SLC14A2: variants seen among roughly 807,000 people sequenced by gnomAD.
SLC14A2 encodes solute carrier family 14 member 2.
SLC14A2 carries 91 observed loss-of-function variants against 104.6 expected under a neutral mutation model. The observed-to-expected ratio is 0.87, with a 90% CI of 0.73 to 1.04. The LOEUF is 1.04. Ranked by LOEUF, SLC14A2 falls within the 50% of genes least tolerant of loss-of-function variation. The pLI is 0.00. For synonymous variants in SLC14A2, 476 were observed against 466.4 expected (o/e 1.02, Z -0.27); for missense variants, 1,189 against 1,156.0 (o/e 1.03, Z -0.41).
intron 1 of SLC14A2, among the ~76,000 whole-genome samples, chr18:45,620,021 G>A (rs912287457): frequency 2.6e-5 from 4 of 152,194 alleles, no homozygotes; most frequent in Admixed American, 6.5e-5. Flanking sequence ...TGCTCCTTCC[G>A]GATGCGGAGA....
chr18:45,508,514 C>T (rs2042618909), intron 2 of SLC14A2, among the ~76,000 whole-genome samples: 1 of 152,216 alleles, frequency 6.6e-6, no homozygotes, highest in African/African-American at 2.4e-5. Context: ...CTTCCTTAGC[C>T]ATGTGGAACT....
At chr18:45,249,955 GA>G (rs974456588) in intron 1 of SLC14A2, among the ~76,000 whole-genome samples, 43 of 146,966 alleles carry the variant, frequency 2.9e-4, no homozygotes, top group African/African-American at 9.0e-4. Flanking sequence ...TCTCTAAAAA[GA>G]AAAAAAAAAT....
rs796336315 is a variant in SLC14A2 at position 45,587,942 on chromosome 18, GAACA to G, written c.-34-36682_-34-36679del. Among the ~76,000 whole-genome samples, 461 of 152,240 alleles carry G rather than the reference GAACA, an allele frequency of 3.0e-3. 5 individuals carry two copies. Among genetic ancestry groups the G allele is most frequent in the African/African-American group, 0.011 (448 of 41,518 alleles). On this transcript the variant is annotated intron_variant, in intron 2 of 20. Coordinates refer to the SLC14A2 transcript ENST00000586448. ...CACCGCTATCCCCATTTCATAACTA[GAACA>G]AACAAAGTCCAAGATTCTGCCTAGT...
At chr18:45,221,188 A>T (rs1238977853) in intron 1 of SLC14A2, among the ~76,000 whole-genome samples, 1 of 152,208 alleles carries the variant, frequency 6.6e-6, no homozygotes, top group Non-Finnish European at 1.5e-5. Flanking sequence ...GTACAGCTGG[A>T]CTAGGAAAAA....
intron 1 of SLC14A2, among the ~76,000 whole-genome samples, chr18:45,325,321 G>C (rs913702288): frequency 1.3e-5 from 2 of 152,184 alleles, no homozygotes; most frequent in Non-Finnish European, 2.9e-5. Flanking sequence ...GCAGATTTTA[G>C]ATAGGTGACA....
At chr18:45,666,018 C>T in intron 11 of SLC14A2, 119 bp from the exon 12 acceptor site, 1 of 687,922 alleles carries the variant, frequency 1.5e-6, no homozygotes, top group Non-Finnish European at 2.6e-6. Flanking sequence ...TGTGCTTCCT[C>T]AGTAGGAACA....
At chr18:45,391,625 G>C (rs948047236) in intron 1 of SLC14A2, among the ~76,000 whole-genome samples, 8 of 152,112 alleles carry the variant, frequency 5.3e-5, no homozygotes, top group Admixed American at 2.6e-4. Context: ...ATTCTAACTG[G>C]TGTGAGATGG....
At chr18:45,602,639 T>G (rs1194925288) in intron 2 of SLC14A2, among the ~76,000 whole-genome samples, 1 of 152,222 alleles carries the variant, frequency 6.6e-6, no homozygotes, top group Non-Finnish European at 1.5e-5. Context: ...GGTCTTTCCT[T>G]GAAAAACTCA....
At chr18:45,446,524 G>T (rs929562968) in intron 1 of SLC14A2, among the ~76,000 whole-genome samples, 1 of 152,210 alleles carries the variant, frequency 6.6e-6, no homozygotes, top group Non-Finnish European at 1.5e-5. Flanking sequence ...GAGAGAAACT[G>T]TCTTTTGTTT....
intron 1 of SLC14A2, among the ~76,000 whole-genome samples, chr18:45,379,948 G>A (rs2085816265): frequency 6.6e-6 from 1 of 152,178 alleles, no homozygotes; most frequent in Non-Finnish European, 1.5e-5. Flanking sequence ...AAATGGCACA[G>A]TAATGCCCAC....
At chr18:45,618,528 G>A (rs2045109135) in intron 1 of SLC14A2, among the ~76,000 whole-genome samples, 1 of 151,866 alleles carries the variant, frequency 6.6e-6, no homozygotes, top group Non-Finnish European at 1.5e-5. Flanking sequence ...AATTAGCCAG[G>A]CGTGGTGGCA....
intron 1 of SLC14A2, among the ~76,000 whole-genome samples, chr18:45,465,760 G>T (rs376486499): frequency 6.6e-6 from 1 of 152,172 alleles, no homozygotes; most frequent in Non-Finnish European, 1.5e-5. Flanking sequence ...AAGCTATGAC[G>T]GGAGGAGCAG....
chr18:45,247,979 T>C (rs1346808473), intron 1 of SLC14A2, among the ~76,000 whole-genome samples: 1 of 152,196 alleles, frequency 6.6e-6, no homozygotes, highest in Non-Finnish European at 1.5e-5. Context: ...AGTTGAGCTC[T>C]TAAGTTCTCC....
intron 1 of SLC14A2, among the ~76,000 whole-genome samples, chr18:45,268,036 A>G (rs1402021107): frequency 3.3e-5 from 5 of 152,140 alleles, no homozygotes; most frequent in Admixed American, 6.6e-5. Flanking sequence ...ACAATTCAGC[A>G]CTTGACCGTA....
chr18:45,488,907 G>A (rs942426485), intron 2 of SLC14A2, among the ~76,000 whole-genome samples: 1 of 152,202 alleles, frequency 6.6e-6, no homozygotes, highest in Non-Finnish European at 1.5e-5. Flanking sequence ...AGTTCTTCCT[G>A]TTTGTCCAGA....
intron 1 of SLC14A2, among the ~76,000 whole-genome samples, chr18:45,417,995 C>T (rs1483874824): frequency 6.6e-6 from 1 of 152,142 alleles, no homozygotes; most frequent in Non-Finnish European, 1.5e-5. Context: ...TGAAAAACAG[C>T]TAAGTGGGAA....
intron 2 of SLC14A2, among the ~76,000 whole-genome samples, chr18:45,486,972 T>C (rs977900476): frequency 1.3e-5 from 2 of 152,206 alleles, no homozygotes; most frequent in African/African-American, 4.8e-5. Context: ...AGAGCAAGTA[T>C]TAAGATGACT....
At chr18:45,352,876 G>A (rs145669806) in intron 1 of SLC14A2, among the ~76,000 whole-genome samples, 1 of 152,306 alleles carries the variant, frequency 6.6e-6, no homozygotes, top group Non-Finnish European at 1.5e-5. Context: ...AGAGGAAACA[G>A]CATCCCCCAG....
chr18:45,404,268 A>C (rs1025487160), intron 1 of SLC14A2, among the ~76,000 whole-genome samples: 1 of 152,114 alleles, frequency 6.6e-6, no homozygotes, highest in African/African-American at 2.4e-5. Flanking sequence ...CAGGTATACT[A>C]TGGATTAACG....
Sources: allele counts gnomAD v4.1 joint callset (sites outside exome capture counted in the v4.1 genomes callset), GRCh38; gene constraint gnomAD v4.1.1; transcripts MANE v1.5; gene names NCBI Gene and HGNC (gene_info 2026-07-23, HGNC 2026-07-21).